The following HS3ST2 variants were observed in gnomAD, a reference collection of about 807,000 sequenced individuals.
HS3ST2 encodes heparan sulfate-glucosamine 3-sulfotransferase 2, also known as heparan sulfate glucosamine 3-O-sulfotransferase 2.
Under a neutral mutation model 26.3 loss-of-function variants are expected in HS3ST2, and 17 were observed. The ratio of observed to expected loss-of-function variants is 0.65; its 90% confidence interval spans 0.44 to 0.97. The LOEUF is 0.97. Among genes scored for constraint, HS3ST2 ranks in the 50% least tolerant of loss-of-function variants. The pLI is 0.00. For synonymous variants in HS3ST2, 237 were observed against 219.2 expected, an observed-to-expected ratio of 1.08 and a Z score of -0.72; for missense variants, 402 against 501.2, an observed-to-expected ratio of 0.80 and a Z score of 1.89.
intron 1 of HS3ST2, among the ~76,000 whole-genome samples, chr16:22,874,224 C>T (rs1053597705): frequency 1.3e-5 from 2 of 152,128 alleles, no homozygotes; most frequent in Admixed American, 1.3e-4. Context: ...GTCAACTGAG[C>T]GTTAGGATTT....
intron 1 of HS3ST2, among the ~76,000 whole-genome samples, chr16:22,843,850 A>G (rs567830552): frequency 2.6e-5 from 4 of 152,322 alleles, no homozygotes; most frequent in East Asian, 1.9e-4. Flanking sequence ...AAGACCCACA[A>G]TCAGAAAGGT....
chr16:22,837,499 G>GTATATATATGTGTATACACATA (rs1901278091), intron 1 of HS3ST2, among the ~76,000 whole-genome samples: 1 of 144,542 alleles, frequency 6.9e-6, no homozygotes. Flanking sequence ...GTGTGTGTGT[G>GTATATATATGTGTATACACATA]TATATATATG....
intron 1 of HS3ST2, among the ~76,000 whole-genome samples, chr16:22,879,997 T>A (rs892990189): frequency 6.6e-6 from 1 of 152,144 alleles, no homozygotes; most frequent in Non-Finnish European, 1.5e-5. Context: ...CAAATCTCCA[T>A]AAAGCACAGA....
chr16:22,820,269 G>A (rs1900971827), intron 1 of HS3ST2, among the ~76,000 whole-genome samples: 1 of 152,214 alleles, frequency 6.6e-6, no homozygotes, highest in African/African-American at 2.4e-5. Flanking sequence ...AGGCATGGAG[G>A]AACATTCGGA....
intron 1 of HS3ST2, among the ~76,000 whole-genome samples, chr16:22,841,804 A>G (rs1255502081): frequency 1.3e-5 from 2 of 152,012 alleles, no homozygotes; most frequent in Admixed American, 6.6e-5. Flanking sequence ...TCATAGGTGA[A>G]TTCTGTCAAT....
intron 1 of HS3ST2, chr16:22,833,354 G>A (rs1901204072): frequency 2.2e-6 from 1 of 455,268 alleles, no homozygotes; most frequent in Non-Finnish European, 4.4e-6. Context: ...CTGGAGACAA[G>A]AATGTGTGTC....
At chr16:22,885,544 C>T (rs1241391910) in intron 1 of HS3ST2, among the ~76,000 whole-genome samples, 1 of 151,728 alleles carries the variant, frequency 6.6e-6, no homozygotes, top group Non-Finnish European at 1.5e-5. Context: ...CAACCTCCGC[C>T]TCCTGGGTTC....
intron 1 of HS3ST2, among the ~76,000 whole-genome samples, chr16:22,898,616 T>C (rs1902239508): frequency 6.6e-6 from 1 of 152,062 alleles, no homozygotes; most frequent in African/African-American, 2.4e-5. Context: ...TCTTGCTGGG[T>C]TTTGCAAATG....
At chr16:22,850,374 C>G (rs555264447) in intron 1 of HS3ST2, among the ~76,000 whole-genome samples, 43 of 152,212 alleles carry the variant, frequency 2.8e-4, no homozygotes, top group Non-Finnish European at 5.4e-4. Context: ...AATGGCATGC[C>G]ATTGCTCCAG....
chr16:22,818,822 C>CTTCA (rs1900925682), intron 1 of HS3ST2, among the ~76,000 whole-genome samples: 1 of 26,980 alleles, frequency 3.7e-5, no homozygotes. Context: ...TCCTTCCTTC[C>CTTCA]TTCCTTCCTT....
In HS3ST2 at chr16:22,914,606, GAGATGGGA is replaced by G. The variant is rs527516995; in HGVS notation, c.486-301_486-294del. On this transcript the variant is annotated intron_variant, in intron 1 of 1. Coordinates refer to ENST00000261374, the MANE Select transcript of HS3ST2 (RefSeq NM_006043.2). ...TGTAGTCCCAGCTACTTGGGAGGCT[GAGATGGGA>G]AGATGGGAAGATGGGAAGATGGGAA... Among the ~76,000 whole-genome samples the G allele has an allele frequency of 5.6e-3, 841 of 148,960 alleles. 12 individuals are homozygous for G. The highest frequency in any genetic ancestry group is 0.018 in the African/African-American group (722 of 39,674).
chr16:22,818,246 C>G (rs1188546472), intron 1 of HS3ST2, among the ~76,000 whole-genome samples: 1 of 152,166 alleles, frequency 6.6e-6, no homozygotes, highest in Non-Finnish European at 1.5e-5. Flanking sequence ...GGAACCAGGA[C>G]AGGGAACCAC....
intron 1 of HS3ST2, among the ~76,000 whole-genome samples, chr16:22,844,835 A>G (rs1368224588): frequency 6.6e-6 from 1 of 151,214 alleles, no homozygotes; most frequent in Non-Finnish European, 1.5e-5. Context: ...ACTGTGAGAC[A>G]GTTAAACCTC....
intron 1 of HS3ST2, among the ~76,000 whole-genome samples, chr16:22,827,884 A>G (rs966220446): frequency 1.3e-5 from 2 of 150,276 alleles, no homozygotes; most frequent in Non-Finnish European, 3.0e-5. Flanking sequence ...TAATTTTTGT[A>G]TTTTTTTTAG....
rs138768452 is a variant in HS3ST2, at chr16:22,837,172, T to C, written c.485+22077T>C. Among the ~76,000 whole-genome samples, 720 of 151,946 alleles carry C rather than the reference T, an allele frequency of 4.7e-3. 7 individuals carry two copies. Among genetic ancestry groups the C allele is most frequent in the African/African-American group, 0.016 (653 of 41,460 alleles). Reference sequence around the variant, plus strand: ...AAACGGAGCCTCTAAAGTCAGACTGTCCTGAGTTCAACTCTCTGCTGCTTT... The same window carrying C: ...AAACGGAGCCTCTAAAGTCAGACTGCCCTGAGTTCAACTCTCTGCTGCTTT... On this transcript the variant is annotated intron_variant, in intron 1 of 1. Coordinates refer to ENST00000261374, the MANE Select transcript of HS3ST2 (RefSeq NM_006043.2).
intron 1 of HS3ST2, among the ~76,000 whole-genome samples, chr16:22,909,728 C>T (rs1398422902): frequency 6.6e-6 from 1 of 152,126 alleles, no homozygotes; most frequent in African/African-American, 2.4e-5. Context: ...GGTTTTGCAA[C>T]TGATAACACC....
At chr16:22,874,254 TAAACTC>T (rs1901879960) in intron 1 of HS3ST2, among the ~76,000 whole-genome samples, 1 of 152,206 alleles carries the variant, frequency 6.6e-6, no homozygotes, top group Non-Finnish European at 1.5e-5. Context: ...GCCCTAGAGA[TAAACTC>T]AAGTAAAAGA....
chr16:22,840,921 G>A (rs1429129771), intron 1 of HS3ST2, among the ~76,000 whole-genome samples: 3 of 151,856 alleles, frequency 2.0e-5, no homozygotes, highest in Admixed American at 6.6e-5. Flanking sequence ...CCATTAACTC[G>A]TCATTTAACA....
intron 1 of HS3ST2, among the ~76,000 whole-genome samples, chr16:22,860,741 G>A (rs1245673377): frequency 6.6e-6 from 1 of 151,720 alleles, no homozygotes; most frequent in Non-Finnish European, 1.5e-5. Context: ...ACAGTTATGA[G>A]TGTATAAAAG....
Sources: gnomAD v4.1 joint callset for allele counts (sites outside exome capture counted in the v4.1 genomes callset) on GRCh38, gnomAD v4.1.1 for gene constraint, MANE v1.5 for transcripts, NCBI Gene and HGNC (gene_info 2026-07-23, HGNC 2026-07-21) for gene names.